The following SUMF1 variants were observed in gnomAD, a reference collection of about 807,000 sequenced individuals.
SUMF1 encodes sulfatase modifying factor 1, also known as formylglycine-generating enzyme.
In SUMF1, 48 loss-of-function variants were observed where a neutral mutation model predicts 47.6. The observed-to-expected ratio is 1.01, with a 90% CI of 0.80 to 1.28. The LOEUF (loss-of-function observed/expected upper bound fraction) is 1.28. Among genes scored for constraint, SUMF1 ranks in the 50% most tolerant of loss-of-function variants. The probability of loss-of-function intolerance (pLI) is 0.00; values close to 1 mark genes in which losing one functional copy is unlikely to be tolerated. For missense variants in SUMF1, 571 were observed against 485.4 expected, an observed-to-expected ratio of 1.18 and a Z score of -1.66; for synonymous variants, 230 against 192.1, an observed-to-expected ratio of 1.20 and a Z score of -1.63.
intron 8 of SUMF1, among the ~76,000 whole-genome samples, chr3:4,180,630 C>G (rs867429220): frequency 1.4e-5 from 2 of 146,228 alleles, no homozygotes; most frequent in Non-Finnish European, 3.0e-5. Context: ...CAACATGGCA[C>G]ATGTATACCT....
At chr3:4,272,186 G>C (rs1169559826) in intron 8 of SUMF1, among the ~76,000 whole-genome samples, 2 of 152,172 alleles carry the variant, frequency 1.3e-5, no homozygotes, top group Non-Finnish European at 2.9e-5. Context: ...TTAAAAGATA[G>C]CGATTTGTTG....
At chr3:4,155,571 G>A (rs1266155356) in intron 8 of SUMF1, among the ~76,000 whole-genome samples, 2 of 151,416 alleles carry the variant, frequency 1.3e-5, no homozygotes. Flanking sequence ...AAACTTCCAA[G>A]ATTTAGTGGT....
At chr3:4,233,227 G>C (rs904360545) in intron 8 of SUMF1, among the ~76,000 whole-genome samples, 1 of 152,096 alleles carries the variant, frequency 6.6e-6, no homozygotes, top group Non-Finnish European at 1.5e-5. Flanking sequence ...GAGATCCGCA[G>C]ATGGCATTAT....
intron 8 of SUMF1, among the ~76,000 whole-genome samples, chr3:4,233,758 A>T (rs1387660478): frequency 6.6e-6 from 1 of 152,154 alleles, no homozygotes; most frequent in Non-Finnish European, 1.5e-5. Context: ...TTAGGTAAGG[A>T]CATGAGTTTA....
At chr3:4,082,150 CT>C (rs1257322050) in intron 8 of SUMF1, among the ~76,000 whole-genome samples, 1 of 152,112 alleles carries the variant, frequency 6.6e-6, no homozygotes, top group Non-Finnish European at 1.5e-5. Context: ...ACTTTTAAAA[CT>C]TTTTATGTCT....
At position 4,259,385 on chromosome 3, in the gene SUMF1, C is replaced by T. The variant is rs114589367; in HGVS notation, c.1014+116945G>A. ...ATTACCTGATTTGACCTACATGTTACGTAAGGCAAAAGGACAGCATTTAGG... is the reference window on the plus strand; with the variant it reads ...ATTACCTGATTTGACCTACATGTTATGTAAGGCAAAAGGACAGCATTTAGG... On this transcript the variant is annotated intron_variant and NMD_transcript_variant, in intron 8 of 12. Coordinates refer to the SUMF1 transcript ENST00000448413. Among the ~76,000 whole-genome samples the T allele has an allele frequency of 5.7e-3, 872 of 152,144 alleles. 8 individuals are homozygous for T. The highest frequency in any genetic ancestry group is 0.019 in the African/African-American group (792 of 41,494).
intron 1 of SUMF1, among the ~76,000 whole-genome samples, chr3:4,462,042 G>A (rs1054293888): frequency 6.6e-6 from 1 of 152,132 alleles, no homozygotes; most frequent in Non-Finnish European, 1.5e-5. Context: ...ACCATATGTG[G>A]GCTACACACT....
At chr3:4,204,255 C>A (rs1243652629) in intron 8 of SUMF1, among the ~76,000 whole-genome samples, 2 of 152,024 alleles carry the variant, frequency 1.3e-5, no homozygotes, top group Non-Finnish European at 2.9e-5. Context: ...CAAATACATA[C>A]AATGTTCTAG....
chr3:4,242,233 T>G (rs535556548), intron 8 of SUMF1, among the ~76,000 whole-genome samples: 2 of 152,202 alleles, frequency 1.3e-5, no homozygotes, highest in Non-Finnish European at 2.9e-5. Context: ...AGGGACAATT[T>G]GACTTCCTCT....
At chr3:4,261,933 A>T (rs1018934312) in intron 8 of SUMF1, among the ~76,000 whole-genome samples, 4 of 152,184 alleles carry the variant, frequency 2.6e-5, no homozygotes, top group African/African-American at 9.7e-5. Context: ...GCTACCCTTG[A>T]TGTGCATTTT....
At chr3:4,329,461 A>G (rs1699007490) in intron 8 of SUMF1, among the ~76,000 whole-genome samples, 1 of 152,230 alleles carries the variant, frequency 6.6e-6, no homozygotes, top group Admixed American at 6.5e-5. Context: ...AAAGCTGCCA[A>G]TGCTTACGGT....
intron 8 of SUMF1, among the ~76,000 whole-genome samples, chr3:4,162,800 C>A (rs1241553018): frequency 6.6e-6 from 1 of 151,624 alleles, no homozygotes; most frequent in Admixed American, 6.6e-5. Flanking sequence ...ATTTTTTGTT[C>A]TTATGAAGGT....
intron 8 of SUMF1, among the ~76,000 whole-genome samples, chr3:4,326,349 C>T (rs576952152): frequency 2.6e-5 from 4 of 152,178 alleles, no homozygotes; most frequent in African/African-American, 9.6e-5. Flanking sequence ...TTCTCAAGCA[C>T]AGCCAAGAAT....
intron 8 of SUMF1, among the ~76,000 whole-genome samples, chr3:4,219,998 A>T (rs1293811281): frequency 6.6e-6 from 1 of 152,292 alleles, no homozygotes; most frequent in South Asian, 2.1e-4. Flanking sequence ...GTCTAGGAGA[A>T]CTGTCTGAGA....
At chr3:4,311,869 A>G (rs1306083293) in intron 8 of SUMF1, among the ~76,000 whole-genome samples, 2 of 152,224 alleles carry the variant, frequency 1.3e-5, no homozygotes, top group Non-Finnish European at 2.9e-5. Flanking sequence ...TACATAAAAA[A>G]ATCTGCTGGG....
intron 7 of SUMF1, among the ~76,000 whole-genome samples, chr3:4,402,829 T>G (rs1701257418): frequency 6.6e-6 from 1 of 152,186 alleles, no homozygotes; most frequent in African/African-American, 2.4e-5. Context: ...TAAAATCATT[T>G]TGTAAAAAAT....
chr3:4,216,139 T>C (rs1695918886), intron 8 of SUMF1, among the ~76,000 whole-genome samples: 1 of 152,152 alleles, frequency 6.6e-6, no homozygotes. Context: ...GACTTCAAAC[T>C]ATATTACAAG....
chr3:4,315,424 A>T (rs1259064285), intron 8 of SUMF1, among the ~76,000 whole-genome samples: 2 of 152,188 alleles, frequency 1.3e-5, no homozygotes. Flanking sequence ...ACAATCTTCC[A>T]TTCAGAGACA....
intron 8 of SUMF1, among the ~76,000 whole-genome samples, chr3:4,236,001 G>A (rs1295927117): frequency 6.6e-6 from 1 of 151,990 alleles, no homozygotes; most frequent in Non-Finnish European, 1.5e-5. Flanking sequence ...GGAGTTCAGC[G>A]ATAGGATTTT....
Sources: allele counts gnomAD v4.1 joint callset (sites outside exome capture counted in the v4.1 genomes callset), GRCh38; gene constraint gnomAD v4.1.1; transcripts MANE v1.5; gene names NCBI Gene and HGNC (gene_info 2026-07-23, HGNC 2026-07-21).